The following RALGPS1 variants were observed in gnomAD, a reference collection of about 807,000 sequenced individuals.
RALGPS1 encodes the protein Ral GEF with PH domain and SH3 binding motif 1.
In RALGPS1, 19 loss-of-function variants were observed where a neutral mutation model predicts 78.8. That is an observed-to-expected ratio of 0.24 (90% CI 0.17 to 0.35). RALGPS1 has a LOEUF of 0.35. Among genes scored for constraint, RALGPS1 ranks in the 10% least tolerant of loss-of-function variants. The pLI is 1.00. For synonymous variants in RALGPS1, 228 were observed against 256.3 expected (o/e 0.89, Z 1.06); for missense variants, 454 against 688.3 (o/e 0.66, Z 3.81).
At chr9:127,149,526 G>C (rs2058298089) in intron 8 of RALGPS1, among the ~76,000 whole-genome samples, 1 of 151,848 alleles carries the variant, frequency 6.6e-6, no homozygotes, top group East Asian at 1.9e-4. Flanking sequence ...TCCTGTTCTG[G>C]TCTGGAGATG....
intron 4 of RALGPS1, among the ~76,000 whole-genome samples, chr9:127,018,394 T>A (rs2045091253): frequency 6.6e-6 from 1 of 151,548 alleles, no homozygotes; most frequent in South Asian, 2.1e-4. Context: ...TCCCAACACT[T>A]TGGGAGGCCA....
intron 11 of RALGPS1, among the ~76,000 whole-genome samples, chr9:127,186,366 G>A (rs2060642134): frequency 6.6e-6 from 1 of 152,154 alleles, no homozygotes; most frequent in South Asian, 2.1e-4. Flanking sequence ...GTGCCATATC[G>A]GGGCTGGCAG....
intron 11 of RALGPS1, among the ~76,000 whole-genome samples, chr9:127,188,828 C>G (rs1203892783): frequency 2.4e-5 from 1 of 42,138 alleles, no homozygotes; most frequent in East Asian, 1.6e-3. Context: ...AACCCCATCT[C>G]TACTAAAAAA....
At chr9:127,181,288 C>G (rs1249153296) in intron 11 of RALGPS1, among the ~76,000 whole-genome samples, 1 of 152,256 alleles carries the variant, frequency 6.6e-6, no homozygotes, top group East Asian at 1.9e-4. Context: ...TGCTTTGAGC[C>G]TGTACTCTCT....
chr9:126,936,405 A>G (rs962683596), intron 1 of RALGPS1, among the ~76,000 whole-genome samples: 1 of 152,256 alleles, frequency 6.6e-6, no homozygotes, highest in African/African-American at 2.4e-5. Flanking sequence ...CTGAAAGTCA[A>G]TGAAGAACTG....
At chr9:126,995,509 T>A (rs1189149478) in intron 4 of RALGPS1, among the ~76,000 whole-genome samples, 2 of 152,130 alleles carry the variant, frequency 1.3e-5, no homozygotes, top group African/African-American at 4.8e-5. Flanking sequence ...CACCCAATAC[T>A]GGAGCACCCA....
chr9:127,005,224 C>T (rs1168715864), intron 4 of RALGPS1, among the ~76,000 whole-genome samples: 3 of 152,204 alleles, frequency 2.0e-5, no homozygotes, highest in Non-Finnish European at 4.4e-5. Context: ...CAACCCAGCT[C>T]CTATTGACAT....
intron 8 of RALGPS1, among the ~76,000 whole-genome samples, chr9:127,125,725 G>A (rs1360848427): frequency 6.6e-6 from 1 of 152,150 alleles, no homozygotes; most frequent in East Asian, 1.9e-4. Context: ...ATTTCCACTT[G>A]TCTGTCAGAC....
At chr9:127,068,366 G>T (rs1309005342) in intron 7 of RALGPS1, among the ~76,000 whole-genome samples, 1 of 152,140 alleles carries the variant, frequency 6.6e-6, no homozygotes, top group Admixed American at 6.5e-5. Context: ...AATAGCTGTG[G>T]ATGCAGGGAA....
At chr9:127,025,060 C>T (rs913915286) in intron 4 of RALGPS1, among the ~76,000 whole-genome samples, 2 of 152,122 alleles carry the variant, frequency 1.3e-5, no homozygotes, top group African/African-American at 2.4e-5. Context: ...AGCCAGTTTG[C>T]CTCCTGTTCC....
chr9:126,991,874 A>C (rs1008574851), intron 4 of RALGPS1, among the ~76,000 whole-genome samples: 2 of 152,206 alleles, frequency 1.3e-5, no homozygotes, highest in Non-Finnish European at 2.9e-5. Flanking sequence ...TAAGGAGAAA[A>C]GCAATAGGCA....
At chr9:127,126,118 A>G (rs1246935734) in intron 8 of RALGPS1, among the ~76,000 whole-genome samples, 1 of 151,816 alleles carries the variant, frequency 6.6e-6, no homozygotes, top group African/African-American at 2.4e-5. Flanking sequence ...ACACATCCCA[A>G]ACTGACTCTT....
intron 8 of RALGPS1, among the ~76,000 whole-genome samples, chr9:127,148,266 C>G (rs2058217238): frequency 6.6e-6 from 1 of 152,206 alleles, no homozygotes; most frequent in African/African-American, 2.4e-5. Flanking sequence ...GAGCCCCCAG[C>G]CTGGGATTCT....
At chr9:127,046,672 CAAA>C (rs71377987) in intron 5 of RALGPS1, among the ~76,000 whole-genome samples, 1 of 40,446 alleles carries the variant, frequency 2.5e-5, no homozygotes, top group African/African-American at 8.7e-5. Flanking sequence ...CCCATCCATA[CAAA>C]AAAAAAAAAA....
intron 11 of RALGPS1, among the ~76,000 whole-genome samples, chr9:127,179,550 C>A (rs986890187): frequency 1.3e-5 from 2 of 152,206 alleles, no homozygotes; most frequent in Non-Finnish European, 2.9e-5. Flanking sequence ...GTAGGCACAT[C>A]CCCCACACCT....
chr9:127,071,926 CT>C (rs755256084), intron 8 of RALGPS1, among the ~76,000 whole-genome samples: 49 of 152,312 alleles, frequency 3.2e-4, no homozygotes, highest in Middle Eastern at 3.4e-3. Flanking sequence ...ATTTTTATCA[CT>C]CCATAAAGAA....
At chr9:127,124,443 T>C (rs1489009324) in intron 8 of RALGPS1, among the ~76,000 whole-genome samples, 1 of 152,182 alleles carries the variant, frequency 6.6e-6, no homozygotes, top group African/African-American at 2.4e-5. Flanking sequence ...AGATGCTGCA[T>C]CACTGTCAGC....
chr9:126,984,499 A>G (rs1334395265), intron 4 of RALGPS1, among the ~76,000 whole-genome samples: 1 of 152,204 alleles, frequency 6.6e-6, no homozygotes, highest in East Asian at 1.9e-4. Flanking sequence ...TTTCAGAGTA[A>G]GCAGGTGGTG....
At chr9:127,100,754 G>C (rs1182485642) in intron 8 of RALGPS1, among the ~76,000 whole-genome samples, 1 of 152,226 alleles carries the variant, frequency 6.6e-6, no homozygotes, top group Admixed American at 6.5e-5. Context: ...ACAATCCACA[G>C]ATATGGACAG....
Sources: allele counts gnomAD v4.1 joint callset (sites outside exome capture counted in the v4.1 genomes callset), GRCh38; gene constraint gnomAD v4.1.1; transcripts MANE v1.5; gene names NCBI Gene and HGNC (gene_info 2026-07-23, HGNC 2026-07-21).